The following IL36B variants were observed in gnomAD, a reference collection of about 807,000 sequenced individuals.
IL36B encodes the protein interleukin 36 beta.
Under a neutral mutation model 19.3 loss-of-function variants are expected in IL36B, and 23 were observed. The observed-to-expected ratio is 1.19, with a 90% CI of 0.86 to 1.69. IL36B has a LOEUF of 1.69. Among genes scored for constraint, IL36B ranks in the 40% most tolerant of loss-of-function variants. IL36B has a pLI of 0.00. For synonymous variants in IL36B, 59 were observed against 59.7 expected, an observed-to-expected ratio of 0.99 and a Z score of 0.05; for missense variants, 217 against 200.5, an observed-to-expected ratio of 1.08 and a Z score of -0.50.
At chr2:113,045,407 A>G (rs943263344) in intron 1 of IL36B, among the ~76,000 whole-genome samples, 16 of 152,130 alleles carry the variant, frequency 1.1e-4, no homozygotes, top group African/African-American at 3.6e-4. Context: ...TTTTCTCAGT[A>G]TCACTGGTTT....
intron 1 of IL36B, among the ~76,000 whole-genome samples, chr2:113,049,051 G>A (rs1685397264): frequency 6.6e-6 from 1 of 152,190 alleles, no homozygotes; most frequent in Admixed American, 6.5e-5. Flanking sequence ...AGTTGTGTTG[G>A]TGGGTGATGA....
intron 1 of IL36B, among the ~76,000 whole-genome samples, chr2:113,050,348 A>C (rs201251915): frequency 8.5e-4 from 52 of 61,028 alleles, no homozygotes; most frequent in South Asian, 3.8e-3. Flanking sequence ...CTAATAACAA[A>C]AAAAAAAAAA....
At position 113,029,493 on chromosome 2, in the gene IL36B, A is replaced by G. The variant is rs187056625; in HGVS notation, c.122-415T>C. ...ATCTTAGAAATCAGGCATGTTTTGC[A>G]CGTAGACCTACCAATCTTTGCTAAT... On this transcript the variant is annotated intron_variant, in intron 3 of 5. Transcript: ENST00000259213. 2.9e-3 allele frequency among the ~76,000 whole-genome samples: 442 copies of G among 152,338 alleles called. 6 individuals carry two copies. Among genetic ancestry groups the G allele is most frequent in the South Asian group, 0.023 (112 of 4,832 alleles).
chr2:113,023,876 C>T (rs1684906835), intron 5 of IL36B, among the ~76,000 whole-genome samples: 2 of 152,172 alleles, frequency 1.3e-5, no homozygotes, highest in Non-Finnish European at 2.9e-5. Flanking sequence ...CCCTAATTCA[C>T]ATTAGATCAT....
intron 1 of IL36B, among the ~76,000 whole-genome samples, chr2:113,047,496 T>G (rs1191363471): frequency 6.6e-6 from 1 of 152,212 alleles, no homozygotes; most frequent in Non-Finnish European, 1.5e-5. Flanking sequence ...TTAAGGCTCT[T>G]GGCAAGAATT....
intron 1 of IL36B, among the ~76,000 whole-genome samples, chr2:113,032,123 G>T (rs543199927): frequency 3.8e-5 from 5 of 132,768 alleles, no homozygotes; most frequent in African/African-American, 1.5e-4. Context: ...GACAGAGTGC[G>T]TGTGTGTGTC....
At chr2:113,036,974 A>G (rs1232142730) in intron 1 of IL36B, among the ~76,000 whole-genome samples, 1 of 152,282 alleles carries the variant, frequency 6.6e-6, no homozygotes, top group Non-Finnish European at 1.5e-5. Flanking sequence ...ATAGAGTCAC[A>G]GTAACTGTGG....
chr2:113,031,748 T>C lies in IL36B; in HGVS notation c.-39A>G, dbSNP rs781447482. 4 of 1,563,256 alleles carry C rather than the reference T, an allele frequency of 2.6e-6. No individual in the cohort carries two copies. Among genetic ancestry groups the C allele is most frequent in the Non-Finnish European group, 2.6e-6 (3 of 1,135,684 alleles). ...CCTTTTGTGAAGAGAACAAGATAGATCAGATGGTGGTGAGGAGGCTGTTAA... is the reference window on the plus strand; with the variant it reads ...CCTTTTGTGAAGAGAACAAGATAGACCAGATGGTGGTGAGGAGGCTGTTAA... On this transcript the variant is annotated 5_prime_UTR_variant, in exon 2 of 6. Coordinates refer to ENST00000259213, the MANE Select transcript of IL36B (RefSeq NM_014438.5).
chr2:113,027,958 G>A (rs769358997), intron 4 of IL36B: 2 of 1,614,138 alleles, frequency 1.2e-6, no homozygotes, highest in Non-Finnish European at 1.7e-6. Flanking sequence ...TCTCTCCTTG[G>A]TGAGAAAGAT....
intron 1 of IL36B, among the ~76,000 whole-genome samples, chr2:113,049,827 C>A (rs888510944): frequency 1.3e-5 from 2 of 152,050 alleles, no homozygotes; most frequent in Non-Finnish European, 2.9e-5. Context: ...TGGTGGCGTG[C>A]ACCTGTAATC....
chr2:113,037,559 G>A (rs1281284443), intron 1 of IL36B, among the ~76,000 whole-genome samples: 1 of 151,896 alleles, frequency 6.6e-6, no homozygotes, highest in Non-Finnish European at 1.5e-5. Flanking sequence ...TGAAGCAGGA[G>A]TATTGCTTGA....
At chr2:113,027,957 G>T in intron 4 of IL36B, 1 of 1,614,168 alleles carries the variant, frequency 6.2e-7, no homozygotes, top group South Asian at 1.1e-5. Context: ...CTCTCTCCTT[G>T]GTGAGAAAGA....
At chr2:113,042,899 TGA>T (rs1685286382) in intron 1 of IL36B, among the ~76,000 whole-genome samples, 1 of 152,178 alleles carries the variant, frequency 6.6e-6, no homozygotes, top group Admixed American at 6.5e-5. Context: ...CACTATTATG[TGA>T]GAGATCTGGT....
intron 5 of IL36B, chr2:113,022,839 A>C: frequency 8.9e-7 from 1 of 1,122,596 alleles, no homozygotes; most frequent in Non-Finnish European, 1.4e-6. Flanking sequence ...TAAACCACCA[A>C]TTGAATAGGG....
chr2:113,027,559 C>G lies in IL36B; in HGVS notation c.262-1327G>C, dbSNP rs887447746. ...TGAACAAAATGTCATGAATCCACAT[C>G]TCTACATCATGGGTTGGCAAAAGGA... On this transcript the variant is annotated intron_variant, in intron 4 of 5. Transcript: ENST00000259213. The G allele has an allele frequency of 3.7e-6, 4 of 1,083,596 alleles. No individual in the cohort carries two copies. In the African/African-American group the frequency reaches 6.6e-5, roughly 18 times the overall value. 67.1% of individuals were successfully genotyped at this position (1,083,596 alleles called of 1,614,324 possible).
At chr2:113,034,285 G>A (rs906754881) in intron 1 of IL36B, among the ~76,000 whole-genome samples, 4 of 152,026 alleles carry the variant, frequency 2.6e-5, no homozygotes, top group African/African-American at 9.7e-5. Context: ...TCCTCTGAAG[G>A]AACAGCCTTC....
intron 1 of IL36B, among the ~76,000 whole-genome samples, chr2:113,037,175 A>G (rs1436505800): frequency 2.6e-5 from 4 of 152,158 alleles, no homozygotes; most frequent in Non-Finnish European, 4.4e-5. Context: ...ATGGCTCTCA[A>G]CGTCCACGAG....
At chr2:113,036,819 C>G (rs891783487) in intron 1 of IL36B, among the ~76,000 whole-genome samples, 1 of 152,200 alleles carries the variant, frequency 6.6e-6, no homozygotes, top group African/African-American at 2.4e-5. Flanking sequence ...GGAGGCCCAG[C>G]CTTGGTGATT....
intron 1 of IL36B, among the ~76,000 whole-genome samples, chr2:113,033,591 C>T (rs374572635): frequency 3.5e-4 from 53 of 152,230 alleles, no homozygotes; most frequent in African/African-American, 1.2e-3. Flanking sequence ...AAGAAAACAG[C>T]GGCTCTGAGG....
Sources: gnomAD v4.1 joint callset for allele counts (sites outside exome capture counted in the v4.1 genomes callset) on GRCh38, gnomAD v4.1.1 for gene constraint, MANE v1.5 for transcripts, NCBI Gene and HGNC (gene_info 2026-07-23, HGNC 2026-07-21) for gene names.